Variants in PLEKHH2 observed in about 807,000 individuals in gnomAD.
The protein encoded by PLEKHH2 is pleckstrin homology, MyTH4 and FERM domain containing H2, also known as pleckstrin homology domain-containing family H member 2.
A neutral mutation model predicts 187.9 loss-of-function variants in PLEKHH2; 129 were observed. The ratio of observed to expected loss-of-function variants is 0.69; its 90% confidence interval spans 0.59 to 0.79. PLEKHH2 has a LOEUF of 0.79. Among genes scored for constraint, PLEKHH2 ranks in the 30% least tolerant of loss-of-function variants. The pLI, the probability that PLEKHH2 is intolerant of heterozygous loss-of-function variation, is 0.00. For synonymous variants in PLEKHH2, 686 were observed against 605.6 expected (o/e 1.13, Z -1.95); for missense variants, 2,076 against 1,751.2 (o/e 1.19, Z -3.31).
chr2:43,675,550 T>C (rs749577300), intron 2 of PLEKHH2: 5 of 1,613,966 alleles, frequency 3.1e-6, no homozygotes, highest in Admixed American at 3.3e-5. Flanking sequence ...CTGAGGGTTA[T>C]TAGACAATGC....
intron 11 of PLEKHH2, among the ~76,000 whole-genome samples, chr2:43,707,925 T>C (rs1457848159): frequency 1.3e-5 from 2 of 152,234 alleles, no homozygotes; most frequent in African/African-American, 2.4e-5. Context: ...TCAATTAATC[T>C]GATGTTAAAG....
chr2:43,684,380 C>T (rs1355900484), intron 3 of PLEKHH2, among the ~76,000 whole-genome samples: 1 of 151,930 alleles, frequency 6.6e-6, no homozygotes, highest in Non-Finnish European at 1.5e-5. Flanking sequence ...CTTTAACTGC[C>T]CATATTATGG....
intron 2 of PLEKHH2, 86 bp downstream of exon 2, chr2:43,644,882 G>C: frequency 7.4e-7 from 1 of 1,345,284 alleles, no homozygotes; most frequent in South Asian, 1.7e-5. Context: ...GTACTTTGGG[G>C]GTTTGATTTA....
chr2:43,657,254 C>G (rs1279878858), intron 2 of PLEKHH2, among the ~76,000 whole-genome samples: 1 of 152,138 alleles, frequency 6.6e-6, no homozygotes, highest in East Asian at 1.9e-4. Flanking sequence ...GTCTAGGTCT[C>G]CTGGCCTCCC....
At chr2:43,678,149 A>T (rs1667955248) in intron 2 of PLEKHH2, among the ~76,000 whole-genome samples, 1 of 141,590 alleles carries the variant, frequency 7.1e-6, no homozygotes, top group Non-Finnish European at 1.5e-5. Flanking sequence ...ATCTCAGAAG[A>T]TGGGTGGCCG....
chr2:43,704,386 G>T (rs535780450), intron 9 of PLEKHH2, among the ~76,000 whole-genome samples: 1 of 152,134 alleles, frequency 6.6e-6, no homozygotes, highest in East Asian at 1.9e-4. Context: ...GATGGGCCGG[G>T]CACGGTGGCT....
At chr2:43,742,636 C>A in intron 21 of PLEKHH2, 105 bp from the exon 22 acceptor site, 1 of 824,480 alleles carries the variant, frequency 1.2e-6, no homozygotes, top group Non-Finnish European at 1.7e-6. Flanking sequence ...TCAAAATTAG[C>A]CTAATACATT....
intron 8 of PLEKHH2, among the ~76,000 whole-genome samples, chr2:43,702,701 A>G (rs1322369500): frequency 6.6e-6 from 1 of 152,044 alleles, no homozygotes; most frequent in Non-Finnish European, 1.5e-5. Flanking sequence ...GATGTATTCT[A>G]ATTGCCTCAA....
chr2:43,694,208 G>C (rs1668977648), intron 4 of PLEKHH2, among the ~76,000 whole-genome samples: 1 of 152,216 alleles, frequency 6.6e-6, no homozygotes, highest in East Asian at 1.9e-4. Context: ...CAGAGAAAGA[G>C]AATAGCGGTT....
At chr2:43,747,118 C>G (rs1671816652) in intron 24 of PLEKHH2, among the ~76,000 whole-genome samples, 1 of 151,678 alleles carries the variant, frequency 6.6e-6, no homozygotes, top group Non-Finnish European at 1.5e-5. Flanking sequence ...CCCTCTCTCT[C>G]TCTCTCTCTC....
At chr2:43,736,774 G>T (rs1282643785) in intron 19 of PLEKHH2, among the ~76,000 whole-genome samples, 1 of 151,964 alleles carries the variant, frequency 6.6e-6, no homozygotes, top group Non-Finnish European at 1.5e-5. Flanking sequence ...CAGAAGTTGC[G>T]CTGAGCTCTG....
chr2:43,755,153 G>A (rs1034850745), intron 25 of PLEKHH2, among the ~76,000 whole-genome samples: 23 of 152,180 alleles, frequency 1.5e-4, no homozygotes, highest in African/African-American at 4.1e-4. Context: ...GATTACAGGC[G>A]TGAGCCACCG....
chr2:43,650,802 T>C (rs1301370363), intron 2 of PLEKHH2, among the ~76,000 whole-genome samples: 4 of 151,814 alleles, frequency 2.6e-5, no homozygotes, highest in Non-Finnish European at 4.4e-5. Flanking sequence ...TGCATCACCA[T>C]GCCTGGCTAA....
Position 43,738,443 on chromosome 2 carries a change from C to T in PLEKHH2, c.3046C>T (p.Leu1016=), listed in dbSNP as rs918532668. 6.2e-7 allele frequency: 1 copy of T among 1,614,018 alleles called. No homozygotes were observed. Among genetic ancestry groups the T allele is most frequent in the Admixed American group, 1.7e-5 (1 of 60,018 alleles). The change falls in exon 20 of 30, where the codon CTG becomes TTG. Residue 1016 remains leucine, a synonymous_variant. Coordinates refer to ENST00000282406, the MANE Select transcript of PLEKHH2 (RefSeq NM_172069.4). ...GCAAATCTGCCTGACACATCCTGAGCTGCAGAATGAAATTTGCTGTCAGCT... is the reference window on the plus strand; with the variant it reads ...GCAAATCTGCCTGACACATCCTGAGTTGCAGAATGAAATTTGCTGTCAGCT... ...ALQICLTHPE[L]QNEICCQLIK... is the part of the protein sequence containing the mutation.
At chr2:43,756,042 C>A (rs1022234894) in intron 25 of PLEKHH2, among the ~76,000 whole-genome samples, 1 of 152,172 alleles carries the variant, frequency 6.6e-6, no homozygotes, top group Non-Finnish European at 1.5e-5. Flanking sequence ...ACTCTGCCTG[C>A]CCCTCCAGCC....
At chr2:43,675,832 G>A in intron 2 of PLEKHH2, 1 of 1,613,932 alleles carries the variant, frequency 6.2e-7, no homozygotes, top group Non-Finnish European at 8.5e-7. Context: ...CAGATAGAAG[G>A]GCTGGGATGC....
chr2:43,648,030 G>C (rs1453806157), intron 2 of PLEKHH2, among the ~76,000 whole-genome samples: 2 of 152,178 alleles, frequency 1.3e-5, no homozygotes, highest in Non-Finnish European at 2.9e-5. Context: ...TTAAGGCTGA[G>C]AGTAATTGAG....
At chr2:43,750,117 A>G (rs1671946966) in intron 24 of PLEKHH2, among the ~76,000 whole-genome samples, 1 of 152,226 alleles carries the variant, frequency 6.6e-6, no homozygotes, top group Non-Finnish European at 1.5e-5. Context: ...TTAAGCCAAG[A>G]AATGGAGTTT....
intron 24 of PLEKHH2, among the ~76,000 whole-genome samples, chr2:43,747,092 G>GTCTCTCTCTCTCTCTCTCCCTCTC (rs539728000): frequency 0.048 from 6,158 of 128,248 alleles, 300 homozygotes; most frequent in South Asian, 0.12. Context: ...CTTTCTTTCT[G>GTCTCTCTCTCTCTCTCTCCCTCTC]TCTCTCTCTC....
Sources: gnomAD v4.1 joint callset for allele counts (sites outside exome capture counted in the v4.1 genomes callset) on GRCh38, gnomAD v4.1.1 for gene constraint, MANE v1.5 for transcripts, NCBI Gene and HGNC (gene_info 2026-07-23, HGNC 2026-07-21) for gene names.